The following ST8SIA2 variants were observed in gnomAD, a reference collection of about 807,000 sequenced individuals.
The protein encoded by ST8SIA2 is alpha-2,8-sialyltransferase 8B.
Under a neutral mutation model 37.6 loss-of-function variants are expected in ST8SIA2, and 22 were observed. That is an observed-to-expected ratio of 0.58 (90% CI 0.42 to 0.83). ST8SIA2 has a LOEUF of 0.83. Ranked by LOEUF, ST8SIA2 falls within the 40% of genes least tolerant of loss-of-function variation. The probability of loss-of-function intolerance (pLI) is 0.00; values close to 1 mark genes in which losing one functional copy is unlikely to be tolerated. For synonymous variants in ST8SIA2, 205 were observed against 201.2 expected (o/e 1.02, Z -0.16); for missense variants, 382 against 484.7 (o/e 0.79, Z 1.99).
intron 5 of ST8SIA2, among the ~76,000 whole-genome samples, chr15:92,458,407 GAT>G (rs776406774): frequency 6.6e-6 from 1 of 152,218 alleles, no homozygotes; most frequent in Non-Finnish European, 1.5e-5. Flanking sequence ...GATGCCAGGA[GAT>G]GTTTGTTGAG....
intron 4 of ST8SIA2, among the ~76,000 whole-genome samples, chr15:92,440,135 C>T (rs533671611): frequency 1.3e-5 from 2 of 152,292 alleles, no homozygotes; most frequent in African/African-American, 4.8e-5. Context: ...GCGCACAGTC[C>T]AAAGCTGTGC....
intron 1 of ST8SIA2, among the ~76,000 whole-genome samples, chr15:92,400,045 C>T (rs1292145191): frequency 2.0e-5 from 3 of 152,220 alleles, no homozygotes; most frequent in Admixed American, 2.0e-4. Flanking sequence ...TTTCATACCT[C>T]TGTGCCTTTG....
rs1039888196 is a variant in ST8SIA2 at position 92,458,780 on chromosome 15, T to TC, written c.843-5319dup. Among the ~76,000 whole-genome samples, 30 of 152,130 alleles carry TC rather than the reference T, an allele frequency of 2.0e-4. 2 individuals carry two copies. On this transcript the variant is annotated intron_variant, in intron 5 of 5. Coordinates refer to ENST00000268164, the MANE Select transcript of ST8SIA2 (RefSeq NM_006011.4). ...GGGCAAAAGTGCAAAGGAGTGTTGA[T>TC]CTGAGCCTTGATAGGAGGAGGTGCC...
At position 92,429,942 on chromosome 15, in the gene ST8SIA2, C is replaced by A. The variant is rs867127325; in HGVS notation, c.99-107C>A. 1.5e-5 allele frequency: 18 copies of A among 1,225,510 alleles called. No individual in the cohort carries two copies. In the Admixed American group the frequency reaches 2.0e-4, roughly 14 times the overall value. 75.9% of individuals were successfully genotyped at this position (1,225,510 alleles called of 1,614,324 possible). On this transcript the variant is annotated intron_variant, in intron 1 of 5. Transcript: ENST00000268164. The stretch of plus-strand genomic sequence containing the variant: ...TGCAGAGTCCAGAATGAGGTCTCTT[C>A]CACCCTCTGTAGTTTTCCAGGTGGG...
chr15:92,461,183 T>G (rs2049954965), intron 5 of ST8SIA2, among the ~76,000 whole-genome samples: 1 of 151,786 alleles, frequency 6.6e-6, no homozygotes, highest in Non-Finnish European at 1.5e-5. Context: ...TTCTTGAGAG[T>G]GGCACCAGTT....
chr15:92,427,615 C>G (rs1351903832), intron 1 of ST8SIA2, among the ~76,000 whole-genome samples: 19 of 152,168 alleles, frequency 1.2e-4, no homozygotes, highest in Admixed American at 1.2e-3. Context: ...CAGCCCTCAT[C>G]AAAGATTTGA....
At chr15:92,410,638 A>T (rs186932973) in intron 1 of ST8SIA2, among the ~76,000 whole-genome samples, 113 of 152,370 alleles carry the variant, frequency 7.4e-4, no homozygotes, top group African/African-American at 2.4e-3. Context: ...AGCCTTCTTC[A>T]CTTAACTATG....
chr15:92,447,148 A>C (rs2049848205), intron 5 of ST8SIA2, among the ~76,000 whole-genome samples: 1 of 152,232 alleles, frequency 6.6e-6, no homozygotes, highest in Non-Finnish European at 1.5e-5. Context: ...AGAGTTGGTC[A>C]GATTTGCTAT....
intron 1 of ST8SIA2, among the ~76,000 whole-genome samples, chr15:92,396,503 CT>C (rs916222529): frequency 7.7e-6 from 1 of 130,418 alleles, no homozygotes. Flanking sequence ...TTTTCTTTTT[CT>C]TTTTTTTGAG....
intron 4 of ST8SIA2, among the ~76,000 whole-genome samples, chr15:92,439,175 T>C (rs887395095): frequency 6.6e-6 from 1 of 150,976 alleles, no homozygotes; most frequent in Admixed American, 6.6e-5. Context: ...TAAGAAAATC[T>C]CCTGGGCTGG....
chr15:92,444,119 A>C (rs1397808275), intron 4 of ST8SIA2, among the ~76,000 whole-genome samples: 1 of 152,166 alleles, frequency 6.6e-6, no homozygotes, highest in Non-Finnish European at 1.5e-5. Flanking sequence ...GCATATAGCA[A>C]TTCTTTTAAT....
intron 2 of ST8SIA2, among the ~76,000 whole-genome samples, chr15:92,432,559 T>G (rs2049723449): frequency 6.6e-6 from 1 of 152,214 alleles, no homozygotes; most frequent in South Asian, 2.1e-4. Context: ...ATCTTTCCAC[T>G]GTACCCAATG....
intron 1 of ST8SIA2, among the ~76,000 whole-genome samples, chr15:92,396,012 G>A (rs376647083): frequency 6.6e-5 from 10 of 152,242 alleles, no homozygotes; most frequent in African/African-American, 2.4e-4. Context: ...TGAAGCCTAC[G>A]CTCCCCACAT....
chr15:92,444,515 G>A (rs1440179589), intron 4 of ST8SIA2, 121 bp from the exon 5 acceptor site: 40 of 1,209,418 alleles, frequency 3.3e-5, no homozygotes, highest in Non-Finnish European at 4.6e-5. Context: ...GTGGAGAGAT[G>A]CCCTGGGTCT....
At chr15:92,454,752 G>T (rs2049907934) in intron 5 of ST8SIA2, among the ~76,000 whole-genome samples, 1 of 151,878 alleles carries the variant, frequency 6.6e-6, no homozygotes, top group Non-Finnish European at 1.5e-5. Flanking sequence ...GGCTCTGCTG[G>T]CCTGTGGGGT....
intron 1 of ST8SIA2, among the ~76,000 whole-genome samples, chr15:92,396,589 G>A (rs970403131): frequency 3.3e-5 from 5 of 151,932 alleles, no homozygotes; most frequent in African/African-American, 7.3e-5. Context: ...CGCCTCCCGG[G>A]TTCAAGCAAT....
rs142883061 is a variant in ST8SIA2, at chr15:92,393,907, T to C, written c.-158T>C. On this transcript the variant is annotated 5_prime_UTR_variant, in exon 1 of 6. Coordinates refer to ENST00000268164, the MANE Select transcript of ST8SIA2 (RefSeq NM_006011.4). ...AGCAACCCCTGCCTGTCGCTGCCGC[T>C]GCCGCTGCCGCTGCCGCCGCCGGCC... is the stretch of plus-strand genomic sequence containing the variant. The C allele has an allele frequency of 0.12, 31,996 of 259,906 alleles. 2,780 individuals are homozygous for C. The highest frequency in any genetic ancestry group is 0.26 in the African/African-American group (11,323 of 43,050). The allele number at this position is 259,906 out of a possible 1,614,324, so 16.1% of individuals were successfully genotyped here.
chr15:92,430,100 C>T lies in ST8SIA2; in HGVS notation c.150C>T (p.Ser50=), dbSNP rs559803320. 6.2e-7 allele frequency: 1 copy of T among 1,614,052 alleles called. No individual in the cohort carries two copies. The highest frequency in any genetic ancestry group is 8.5e-7 in the Non-Finnish European group (1 of 1,179,970). Residue 50 remains serine, a synonymous_variant, in exon 2 of 6, where the codon AGC becomes AGT. Transcript: ENST00000268164. ...GATCAGCTGTGAACAGCTTACATAGCAAATCTAATAGGTTTGTAAATTAGA... is the reference window on the plus strand; with the variant it reads ...GATCAGCTGTGAACAGCTTACATAGTAAATCTAATAGGTTTGTAAATTAGA... The part of the protein sequence containing the change: ...TIRSAVNSLH[S]KSNRAEVVIN...
intron 1 of ST8SIA2, among the ~76,000 whole-genome samples, chr15:92,415,807 A>G (rs1285640469): frequency 2.0e-5 from 3 of 152,174 alleles, no homozygotes; most frequent in African/African-American, 7.2e-5. Flanking sequence ...CTCTGAAGTC[A>G]GCAAATGAAA....
Sources: gnomAD v4.1 joint callset for allele counts (sites outside exome capture counted in the v4.1 genomes callset) on GRCh38, gnomAD v4.1.1 for gene constraint, MANE v1.5 for transcripts, NCBI Gene and HGNC (gene_info 2026-07-23, HGNC 2026-07-21) for gene names.